FNDC3B: variants seen among roughly 807,000 people sequenced by gnomAD.
FNDC3B encodes fibronectin type III domain-containing protein 3B.
FNDC3B carries 12 observed loss-of-function variants against 151.5 expected under a neutral mutation model. The ratio of observed to expected loss-of-function variants is 0.08; its 90% CI spans 0.05 to 0.13. The LOEUF is 0.13. Ranked by LOEUF, FNDC3B falls within the 10% of genes least tolerant of loss-of-function variation. FNDC3B has a pLI of 1.00. For missense variants in FNDC3B, 1,214 were observed against 1,505.3 expected, an observed-to-expected ratio of 0.81 and a Z score of 3.20; for synonymous variants, 528 against 549.0, an observed-to-expected ratio of 0.96 and a Z score of 0.54.
intron 3 of FNDC3B, among the ~76,000 whole-genome samples, chr3:172,146,405 T>C (rs185346378): frequency 6.6e-6 from 1 of 152,242 alleles, no homozygotes; most frequent in Non-Finnish European, 1.5e-5. Flanking sequence ...AAAAAAAAGT[T>C]TAAAAGTTGA....
intron 3 of FNDC3B, among the ~76,000 whole-genome samples, chr3:172,143,522 A>T (rs934948606): frequency 7.2e-5 from 11 of 152,108 alleles, no homozygotes; most frequent in African/African-American, 2.7e-4. Context: ...AATTTTATTA[A>T]TATTTTATGT....
In FNDC3B at chr3:172,090,027, T is replaced by C. The variant is rs573782443; in HGVS notation, c.-28-22425T>C. ...TGAACAGTTGTGTTTAATCCTGATA[T>C]GTAAATTGTTAGATACTGCTTTAAA... On this transcript the variant is annotated intron_variant, in intron 1 of 25. Coordinates refer to ENST00000415807, the MANE Select transcript of FNDC3B (RefSeq NM_022763.4). Among the ~76,000 whole-genome samples the C allele has an allele frequency of 1.4e-4, 21 of 152,336 alleles. No individual in the cohort carries two copies. In the South Asian group the frequency reaches 4.3e-3, roughly 32 times the overall value.
At chr3:172,324,088 G>A (rs141288331) in intron 11 of FNDC3B, among the ~76,000 whole-genome samples, 3 of 152,262 alleles carry the variant, frequency 2.0e-5, no homozygotes, top group East Asian at 1.9e-4. Flanking sequence ...ACAGGTTTGC[G>A]CAAGGCACAC....
intron 2 of FNDC3B, among the ~76,000 whole-genome samples, chr3:172,117,267 T>C (rs1254833927): frequency 6.6e-6 from 1 of 152,206 alleles, no homozygotes; most frequent in African/African-American, 2.4e-5. Flanking sequence ...TGTTGAGTTA[T>C]AAAAATCAGG....
chr3:172,189,453 A>G (rs982656411), intron 3 of FNDC3B, among the ~76,000 whole-genome samples: 2 of 152,164 alleles, frequency 1.3e-5, no homozygotes, highest in Non-Finnish European at 2.9e-5. Context: ...AGTCTGTTCT[A>G]TTTTTGGAGT....
intron 11 of FNDC3B, among the ~76,000 whole-genome samples, chr3:172,327,247 G>A (rs1184503877): frequency 6.6e-6 from 1 of 152,150 alleles, no homozygotes; most frequent in Non-Finnish European, 1.5e-5. Context: ...AGTTGCATCT[G>A]AATGCACCTT....
intron 3 of FNDC3B, among the ~76,000 whole-genome samples, chr3:172,184,961 A>G (rs116748000): frequency 2.4e-4 from 37 of 152,360 alleles, no homozygotes; most frequent in Admixed American, 1.2e-3. Flanking sequence ...AAAAAGACTC[A>G]AAATACAAAC....
At position 172,352,686 on chromosome 3, in the gene FNDC3B, T is replaced by C. The variant is rs2108325054; in HGVS notation, c.2515-117T>C. On this transcript the variant is annotated intron_variant, in intron 21 of 25. Transcript: ENST00000415807. The surrounding 1 kb of genome is among the most constrained non-coding windows in gnomAD (Gnocchi z 4.2). ...GTAGACATTTTCTAGGATTTATTTC[T>C]ACCTGCATATGTGGAAATGTGTACT... is the stretch of plus-strand genomic sequence containing the variant. The C allele has an allele frequency of 2.0e-6, 2 of 1,012,946 alleles. No homozygotes were observed. Among genetic ancestry groups the C allele is most frequent in the Non-Finnish European group, 2.9e-6 (2 of 701,592 alleles). The allele number at this position is 1,012,946 out of a possible 1,614,324, so 62.7% of individuals were successfully genotyped here.
At chr3:172,072,841 C>A (rs1361758386) in intron 1 of FNDC3B, among the ~76,000 whole-genome samples, 3 of 152,214 alleles carry the variant, frequency 2.0e-5, no homozygotes, top group African/African-American at 7.2e-5. Context: ...AGCTAGATTT[C>A]ATTTCAAATG....
At chr3:172,207,094 G>C (rs59582833) in intron 3 of FNDC3B, among the ~76,000 whole-genome samples, 612 of 55,526 alleles carry the variant, frequency 0.011, 3 homozygotes, top group African/African-American at 0.023. Context: ...CCAGAGAATT[G>C]GTAGTCCCAA....
At chr3:172,105,101 C>G (rs1053639330) in intron 1 of FNDC3B, among the ~76,000 whole-genome samples, 31 of 152,156 alleles carry the variant, frequency 2.0e-4, no homozygotes, top group Admixed American at 1.7e-3. Context: ...CTCTTTCCCT[C>G]TCTTTTCTAA....
intron 3 of FNDC3B, among the ~76,000 whole-genome samples, chr3:172,151,793 G>A (rs907089419): frequency 6.6e-6 from 1 of 152,178 alleles, no homozygotes. Flanking sequence ...CTTGAGTTGC[G>A]TTGTTTCCTT....
chr3:172,150,215 G>T (rs967987963), intron 3 of FNDC3B, among the ~76,000 whole-genome samples: 6 of 152,108 alleles, frequency 3.9e-5, no homozygotes, highest in African/African-American at 1.4e-4. Context: ...CACCTTCAGA[G>T]ATTTAGATAC....
intron 16 of FNDC3B, 90 bp downstream of exon 16, chr3:172,337,491 C>A (rs1733046520): frequency 2.4e-6 from 2 of 834,470 alleles, no homozygotes; most frequent in Admixed American, 2.0e-5. Context: ...AGTGAGTAAT[C>A]ATTAATTCTA....
intron 1 of FNDC3B, among the ~76,000 whole-genome samples, chr3:172,100,557 T>G (rs1719332109): frequency 6.6e-6 from 1 of 152,218 alleles, no homozygotes; most frequent in Admixed American, 6.5e-5. Flanking sequence ...TATACATACT[T>G]TATATTAAAA....
intron 4 of FNDC3B, among the ~76,000 whole-genome samples, chr3:172,232,359 A>G (rs4243423): frequency 0.26 from 38,950 of 152,178 alleles, 5,144 homozygotes; most frequent in East Asian, 0.44. Flanking sequence ...CTGACAAAAT[A>G]CAAATGTCAG....
intron 1 of FNDC3B, among the ~76,000 whole-genome samples, chr3:172,098,632 A>C (rs1293995489): frequency 6.6e-6 from 1 of 152,220 alleles, no homozygotes; most frequent in African/African-American, 2.4e-5. Flanking sequence ...GAGAAAAACA[A>C]TTATGGCTTA....
chr3:172,115,728 C>T (rs1330993621), intron 2 of FNDC3B, among the ~76,000 whole-genome samples: 1 of 152,166 alleles, frequency 6.6e-6, no homozygotes, highest in African/African-American at 2.4e-5. Flanking sequence ...GCACCTCAGC[C>T]ACCTCTCACA....
chr3:172,054,427 C>T (rs1229858442), intron 1 of FNDC3B, among the ~76,000 whole-genome samples: 2 of 152,182 alleles, frequency 1.3e-5, no homozygotes, highest in Non-Finnish European at 2.9e-5. Context: ...AAAGTGAGTT[C>T]ACTGAAGGTG....
Sources: allele counts gnomAD v4.1 joint callset (sites outside exome capture counted in the v4.1 genomes callset), GRCh38; gene constraint gnomAD v4.1.1; non-coding constraint Gnocchi (gnomAD v3.1); transcripts MANE v1.5; gene names NCBI Gene and HGNC (gene_info 2026-07-23, HGNC 2026-07-21).